ELMOD2: variants seen among roughly 807,000 people sequenced by gnomAD.
ELMOD2 encodes ELMO domain containing 2.
A neutral mutation model predicts 41.0 loss-of-function variants in ELMOD2; 28 were observed. The ratio of observed to expected loss-of-function variants is 0.68; its 90% CI spans 0.51 to 0.94. The LOEUF (loss-of-function observed/expected upper bound fraction) is 0.94, where lower values mean the gene tolerates loss of function less well. ELMOD2 is among the 40% of genes least tolerant of loss of function. The pLI, the probability that ELMOD2 is intolerant of heterozygous loss-of-function variation, is 0.00. For missense variants in ELMOD2, 333 were observed against 343.1 expected (o/e 0.97, Z 0.23); for synonymous variants, 106 against 107.2 (o/e 0.99, Z 0.07).
In ELMOD2 at chr4:140,550,086, G is replaced by A. The variant is rs1049301008; in HGVS notation, c.737-144G>A. On this transcript the variant is annotated intron_variant, in intron 8 of 8. Coordinates refer to ENST00000323570, the MANE Select transcript of ELMOD2 (RefSeq NM_153702.4). ...TTATTAAGTCTTATTAAGTCCCTCA[G>A]GCTTCTAATAGTTTTGAGATTACTT... 6 of 679,074 alleles carry A rather than the reference G, an allele frequency of 8.8e-6. No homozygotes were observed. In the African/African-American group the frequency reaches 1.1e-4, roughly 13 times the overall value. The allele number at this position is 679,074 out of a possible 1,614,324, so 42.1% of individuals were successfully genotyped here.
At chr4:140,545,162 C>T (rs1735232993) in intron 8 of ELMOD2, among the ~76,000 whole-genome samples, 1 of 152,152 alleles carries the variant, frequency 6.6e-6, no homozygotes, top group Non-Finnish European at 1.5e-5. Context: ...AATACAATCG[C>T]CATGTTTTTT....
chr4:140,541,875 A>G (rs904400294), intron 6 of ELMOD2, among the ~76,000 whole-genome samples: 4 of 152,098 alleles, frequency 2.6e-5, no homozygotes, highest in East Asian at 1.9e-4. Flanking sequence ...GAAAATGTCA[A>G]TGATTTTGTC....
chr4:140,540,653 A>C (rs1735076794), intron 6 of ELMOD2, among the ~76,000 whole-genome samples: 1 of 152,032 alleles, frequency 6.6e-6, no homozygotes. Flanking sequence ...AGGCTGAGGC[A>C]GAAGGATTGC....
intron 5 of ELMOD2, among the ~76,000 whole-genome samples, chr4:140,538,852 T>C (rs990390796): frequency 1.3e-5 from 2 of 152,232 alleles, no homozygotes; most frequent in East Asian, 1.9e-4. Context: ...CTTAGAAAAT[T>C]AGAATTTCCA....
In ELMOD2 at chr4:140,550,378, C is replaced by T. The variant is rs758871480; in HGVS notation, c.*3C>T. 11 of 1,594,484 alleles carry T rather than the reference C, an allele frequency of 6.9e-6. No individual in the cohort carries two copies. In the Admixed American group the frequency reaches 8.9e-5, roughly 13 times the overall value. ...TAGCACTTACTTTAAAAGTATAAAT[C>T]ATCCACTGTATCTTCTATTTCTACC... On this transcript the variant is annotated 3_prime_UTR_variant, in exon 9 of 9. Transcript: ENST00000323570.
intron 8 of ELMOD2, 90 bp downstream of exon 8, chr4:140,543,676 C>T: frequency 9.6e-7 from 1 of 1,045,156 alleles, no homozygotes; most frequent in Non-Finnish European, 1.3e-6. Flanking sequence ...TCTGTTGTCT[C>T]TGTGAAGTAT....
In ELMOD2 at chr4:140,535,789, T is replaced by C; in HGVS notation, c.228T>C (p.Asp76=). The change falls in exon 4 of 9, where the codon GAT becomes GAC. Residue 76 remains aspartate (D), a synonymous_variant. Coordinates refer to ENST00000323570, the MANE Select transcript of ELMOD2 (RefSeq NM_153702.4). ...GTGAAGTGGACAAATATGTAGATGATATTATGAAGGAAAAGAATATTAACC... is the reference window on the plus strand; with the variant it reads ...GTGAAGTGGACAAATATGTAGATGACATTATGAAGGAAAAGAATATTAACC... The part of the protein sequence containing the change: ...VQSEVDKYVD[D]IMKEKNINPE... 1 of 1,610,754 alleles carries C rather than the reference T, an allele frequency of 6.2e-7. No homozygotes were observed. The highest frequency in any genetic ancestry group is 8.5e-7 in the Non-Finnish European group (1 of 1,179,124).
chr4:140,527,462 T>C lies in ELMOD2; in HGVS notation c.143-4T>C. On this transcript the variant is annotated splice_polypyrimidine_tract_variant and splice_region_variant and intron_variant, in intron 2 of 8. Transcript: ENST00000323570. ...ACATCTTTTTTTTTTTTTTGTCATT[T>C]CAGAAAATTCCTTGACATACTCCAA... The C allele has an allele frequency of 6.3e-7, 1 of 1,582,290 alleles. No homozygotes were observed. Among genetic ancestry groups the C allele is most frequent in the Non-Finnish European group, 8.6e-7 (1 of 1,165,802 alleles).
intron 8 of ELMOD2, among the ~76,000 whole-genome samples, chr4:140,544,267 G>A (rs538051710): frequency 6.6e-6 from 1 of 152,062 alleles, no homozygotes; most frequent in Non-Finnish European, 1.5e-5. Flanking sequence ...TTAGATAATA[G>A]GTGGCCAAAT....
chr4:140,529,755 T>G (rs1377726756), intron 3 of ELMOD2, among the ~76,000 whole-genome samples: 1 of 152,198 alleles, frequency 6.6e-6, no homozygotes, highest in Non-Finnish European at 1.5e-5. Context: ...TTTCAGGTTT[T>G]TCCTCAGTTA....
intron 2 of ELMOD2, among the ~76,000 whole-genome samples, chr4:140,527,195 C>T (rs1734591506): frequency 2.6e-5 from 4 of 152,166 alleles, no homozygotes; most frequent in Admixed American, 2.0e-4. Context: ...GGTTAGTAGA[C>T]ACTTTGGGGT....
At position 140,552,808 on chromosome 4, in the gene ELMOD2, T is replaced by A. The variant is rs1735501146; in HGVS notation, c.*2433T>A. On this transcript the variant is annotated 3_prime_UTR_variant, in exon 9 of 9. Transcript: ENST00000323570. ...TTTGTATGTGCCAGGTTGAAGAGAG[T>A]GTGCCAGTGACAGGAAGTAGTCTAA... The A allele has an allele frequency of 6.6e-6, 1 of 151,970 alleles. No individual in the cohort carries two copies. The highest frequency in any genetic ancestry group is 1.5e-5 in the Non-Finnish European group (1 of 67,930). 9.4% of individuals were successfully genotyped at this position (151,970 alleles called of 1,614,324 possible). A position where few individuals can be genotyped will look rare whatever the true frequency, so the allele number is the denominator to read the frequency against.
At chr4:140,548,279 T>G (rs904219140) in intron 8 of ELMOD2, among the ~76,000 whole-genome samples, 8 of 152,164 alleles carry the variant, frequency 5.3e-5, no homozygotes, top group African/African-American at 1.9e-4. Flanking sequence ...ATCTGCCTTA[T>G]CATACTAGGC....
At chr4:140,546,437 TAACA>T (rs932399085) in intron 8 of ELMOD2, among the ~76,000 whole-genome samples, 30 of 151,880 alleles carry the variant, frequency 2.0e-4, no homozygotes, top group African/African-American at 7.0e-4. Flanking sequence ...TATACATATA[TAACA>T]AACCTACACG....
At chr4:140,531,617 A>T (rs1734750298) in intron 3 of ELMOD2, among the ~76,000 whole-genome samples, 1 of 152,240 alleles carries the variant, frequency 6.6e-6, no homozygotes, top group African/African-American at 2.4e-5. Flanking sequence ...GTTGAATAAT[A>T]AATACATTTT....
intron 4 of ELMOD2, among the ~76,000 whole-genome samples, chr4:140,536,349 A>G (rs765734264): frequency 8.5e-5 from 13 of 152,118 alleles, no homozygotes; most frequent in Non-Finnish European, 2.9e-5. Flanking sequence ...ATAGTATTTC[A>G]CACTTTTTCC....
intron 7 of ELMOD2, among the ~76,000 whole-genome samples, chr4:140,542,902 A>G (rs1456205254): frequency 6.6e-6 from 1 of 151,930 alleles, no homozygotes; most frequent in Non-Finnish European, 1.5e-5. Context: ...TGCTTTTGAG[A>G]AATAGATTTG....
chr4:140,553,124 A>G lies in ELMOD2; in HGVS notation c.*2749A>G, dbSNP rs996410427. 2 of 152,124 alleles carry G rather than the reference A, an allele frequency of 1.3e-5. No homozygotes were observed. Among genetic ancestry groups the G allele is most frequent in the African/African-American group, 4.8e-5 (2 of 41,440 alleles). 9.4% of individuals were successfully genotyped at this position (152,124 alleles called of 1,614,324 possible). ...TTTTGTTCCAGTACTATAATTGCTC[A>G]TGCACTCTTTCTCCCCTTTGAGAAC... On this transcript the variant is annotated 3_prime_UTR_variant, in exon 9 of 9. Coordinates refer to ENST00000323570, the MANE Select transcript of ELMOD2 (RefSeq NM_153702.4).
At chr4:140,549,345 A>C (rs1475775948) in intron 8 of ELMOD2, among the ~76,000 whole-genome samples, 2 of 110,180 alleles carry the variant, frequency 1.8e-5, no homozygotes, top group Admixed American at 1.2e-4. Context: ...ATTCACATTT[A>C]AGTTTACATA....
Sources: allele counts gnomAD v4.1 joint callset (sites outside exome capture counted in the v4.1 genomes callset), GRCh38; gene constraint gnomAD v4.1.1; transcripts MANE v1.5; gene names NCBI Gene and HGNC (gene_info 2026-07-23, HGNC 2026-07-21).